The following ADCY10 variants were observed in gnomAD, a reference collection of about 807,000 sequenced individuals.
ADCY10 encodes adenylate cyclase 10.
Under a neutral mutation model 183.3 loss-of-function variants are expected in ADCY10, and 156 were observed. The observed-to-expected ratio is 0.85, with a 90% CI of 0.75 to 0.97. The LOEUF (loss-of-function observed/expected upper bound fraction) is 0.97. ADCY10 is among the 50% of genes least tolerant of loss of function. The pLI is 0.00. For missense variants in ADCY10, 1,745 were observed against 1,934.3 expected, an observed-to-expected ratio of 0.90 and a Z score of 1.84; for synonymous variants, 645 against 670.0, an observed-to-expected ratio of 0.96 and a Z score of 0.58.
chr1:167,861,962 T>TCCC (rs745635189), intron 14 of ADCY10, among the ~76,000 whole-genome samples: 1 of 152,214 alleles, frequency 6.6e-6, no homozygotes, highest in South Asian at 2.1e-4. Context: ...ATGCCTTGCT[T>TCCC]CCCCTTTGCC....
intron 13 of ADCY10, 149 bp from the exon 14 acceptor site, chr1:167,870,559 G>A (rs550810700): frequency 6.5e-5 from 43 of 657,072 alleles, no homozygotes; most frequent in African/African-American, 1.3e-4. Flanking sequence ...TTGGGAGGCC[G>A]AGGTGGGCGG....
At position 167,865,385 on chromosome 1, in the gene ADCY10, T is replaced by C. The variant is rs1251971256; in HGVS notation, c.1617-4322A>G. On this transcript the variant is annotated intron_variant, in intron 14 of 32. Coordinates refer to ENST00000367851, the MANE Select transcript of ADCY10 (RefSeq NM_018417.6). ...GACATTAAAGTAAAAATGCAACAGG[T>C]TTTTCTTGAAGCACCAACCTGCTCT... 2.6e-5 allele frequency among the ~76,000 whole-genome samples: 4 copies of C among 152,090 alleles called. No individual in the cohort carries two copies. The East Asian group carries it at 7.7e-4, about 29-fold the overall frequency.
At chr1:167,864,027 C>T (rs1666490878) in intron 14 of ADCY10, among the ~76,000 whole-genome samples, 1 of 152,206 alleles carries the variant, frequency 6.6e-6, no homozygotes, top group Non-Finnish European at 1.5e-5. Context: ...GATCTGATCA[C>T]CCACGGTGTG....
chr1:167,888,945 A>G (rs1668424056), intron 8 of ADCY10, among the ~76,000 whole-genome samples: 1 of 151,888 alleles, frequency 6.6e-6, no homozygotes, highest in East Asian at 1.9e-4. Flanking sequence ...GTATACTGTG[A>G]CCTTGTTGAA....
intron 18 of ADCY10, among the ~76,000 whole-genome samples, chr1:167,851,457 G>C (rs1053636521): frequency 4.6e-5 from 7 of 152,126 alleles, no homozygotes; most frequent in African/African-American, 1.2e-4. Context: ...AAAGTACTGG[G>C]ATTATAGGTG....
chr1:167,874,136 A>T (rs1259503462), intron 13 of ADCY10, among the ~76,000 whole-genome samples: 2 of 152,188 alleles, frequency 1.3e-5, no homozygotes, highest in African/African-American at 4.8e-5. Flanking sequence ...GATCAAGACC[A>T]GTCTGGCCAA....
intron 13 of ADCY10, among the ~76,000 whole-genome samples, 191 bp downstream of exon 13, chr1:167,874,940 A>G (rs1316152094): frequency 4.6e-5 from 7 of 152,224 alleles, no homozygotes; most frequent in Admixed American, 2.6e-4. Context: ...AGGGTGTTAG[A>G]AGACTTTGGG....
At chr1:167,891,990 T>C (rs1335869339) in intron 8 of ADCY10, among the ~76,000 whole-genome samples, 1 of 151,626 alleles carries the variant, frequency 6.6e-6, no homozygotes, top group Non-Finnish European at 1.5e-5. Context: ...TTTTTTTTTT[T>C]AGAGACAGGG....
intron 18 of ADCY10, among the ~76,000 whole-genome samples, chr1:167,850,289 C>T (rs976804703): frequency 2.0e-5 from 3 of 151,714 alleles, no homozygotes; most frequent in South Asian, 2.1e-4. Flanking sequence ...GACAGAGACA[C>T]GAAGTACAGA....
Position 167,810,115 on chromosome 1 carries a change from C to T in ADCY10, c.4672-276G>A, listed in dbSNP as rs531171478. Reference sequence around the variant, plus strand: ...TTTGCTTTCAAAGAGTTCACATTCTCAAGGAGAGGAAAGACACGCAGACAG... The same window carrying T: ...TTTGCTTTCAAAGAGTTCACATTCTTAAGGAGAGGAAAGACACGCAGACAG... On this transcript the variant is annotated intron_variant, in intron 32 of 32. Transcript: ENST00000367851. Among the ~76,000 whole-genome samples the T allele has an allele frequency of 2.6e-5, 4 of 152,206 alleles. No individual in the cohort carries two copies. The South Asian group carries it at 8.3e-4, about 32-fold the overall frequency.
At chr1:167,840,093 A>G (rs1571267594) in intron 21 of ADCY10, among the ~76,000 whole-genome samples, 1 of 151,750 alleles carries the variant, frequency 6.6e-6, no homozygotes, top group East Asian at 1.9e-4. Context: ...TTAGCAGCAC[A>G]TGGTGGCATG....
At chr1:167,878,682 T>C (rs376629982) in intron 11 of ADCY10, 47 bp from the exon 12 acceptor site, 1 of 1,563,084 alleles carries the variant, frequency 6.4e-7, no homozygotes, top group African/African-American at 1.4e-5. Context: ...TAACAGGCAT[T>C]GAACTGAATG....
At chr1:167,896,719 AG>A (rs1446843009) in intron 6 of ADCY10, 28 bp from the exon 7 acceptor site, 1 of 1,454,842 alleles carries the variant, frequency 6.9e-7, no homozygotes, top group Admixed American at 1.7e-5. Context: ...AGAAGTTTTC[AG>A]TTATTCTGAG....
intron 1 of ADCY10, among the ~76,000 whole-genome samples, chr1:167,910,136 T>C (rs1670060081): frequency 6.6e-6 from 1 of 152,206 alleles, no homozygotes; most frequent in Admixed American, 6.5e-5. Context: ...GCCTCTTCCT[T>C]CTTTAACCCG....
At chr1:167,828,082 G>A (rs1004386149) in intron 26 of ADCY10, among the ~76,000 whole-genome samples, 1 of 152,182 alleles carries the variant, frequency 6.6e-6, no homozygotes, top group African/African-American at 2.4e-5. Flanking sequence ...ACACAACTTA[G>A]TGGGGATCCT....
Position 167,823,424 on chromosome 1 carries a change from C to CAA in ADCY10, c.4053-303_4053-302dup, listed in dbSNP as rs34394385. On this transcript the variant is annotated intron_variant, in intron 28 of 32. Coordinates refer to ENST00000367851, the MANE Select transcript of ADCY10 (RefSeq NM_018417.6). ...TGGGCAAAAGAGCGAAACTCCATCT[C>CAA]AAAAAAAAAAAAAAAAAAAAGCAGT... Among the ~76,000 whole-genome samples, 2,175 of 42,728 alleles carry CAA rather than the reference C, an allele frequency of 0.051. 93 individuals carry two copies. The highest frequency in any genetic ancestry group is 0.16 in the East Asian group (280 of 1,794). 28.0% of individuals were successfully genotyped at this position (42,728 alleles called of 152,430 possible). A position where few individuals can be genotyped will look rare whatever the true frequency, so the allele number is the denominator to read the frequency against.
At chr1:167,843,525 C>T (rs936215091) in intron 21 of ADCY10, among the ~76,000 whole-genome samples, 4 of 151,934 alleles carry the variant, frequency 2.6e-5, no homozygotes, top group Admixed American at 2.0e-4. Flanking sequence ...ATTCAGGCAG[C>T]GCATCTTCTC....
At chr1:167,870,806 T>TA (rs397940719) in intron 13 of ADCY10, among the ~76,000 whole-genome samples, 8,437 of 128,928 alleles carry the variant, frequency 0.065, 757 homozygotes, top group African/African-American at 0.21. Flanking sequence ...AAACTCCATC[T>TA]AAAAAAAAAA....
At chr1:167,822,505 A>C (rs954657592) in intron 29 of ADCY10, among the ~76,000 whole-genome samples, 8 of 152,132 alleles carry the variant, frequency 5.3e-5, no homozygotes, top group Non-Finnish European at 8.8e-5. Flanking sequence ...TGGGGAAAAC[A>C]ATTCAGGTTG....
Sources: allele counts gnomAD v4.1 joint callset (sites outside exome capture counted in the v4.1 genomes callset), GRCh38; gene constraint gnomAD v4.1.1; transcripts MANE v1.5; gene names NCBI Gene and HGNC (gene_info 2026-07-23, HGNC 2026-07-21).